The following ADARB1 variants were observed in gnomAD, a reference collection of about 807,000 sequenced individuals.
The protein encoded by ADARB1 is adenosine deaminase RNA specific B1.
A neutral mutation model predicts 52.4 loss-of-function variants in ADARB1; 10 were observed. The observed-to-expected ratio is 0.19, with a 90% confidence interval of 0.12 to 0.32. ADARB1 has a LOEUF of 0.32. Ranked by LOEUF, ADARB1 falls within the 10% of genes least tolerant of loss-of-function variation. The probability of loss-of-function intolerance (pLI) is 1.00; values close to 1 mark genes in which losing one functional copy is unlikely to be tolerated. For synonymous variants in ADARB1, 349 were observed against 371.1 expected (o/e 0.94, Z 0.68); for missense variants, 643 against 922.3 (o/e 0.70, Z 3.92).
intron 9 of ADARB1, among the ~76,000 whole-genome samples, chr21:45,218,646 C>T (rs966685448): frequency 6.6e-6 from 1 of 152,222 alleles, no homozygotes; most frequent in East Asian, 1.9e-4. Context: ...ATCTGCTACA[C>T]TCTGCCTGGG....
rs1021713266 is a variant in ADARB1 at position 45,200,295 on chromosome 21, C to T, written c.1566-4260C>T. On this transcript the variant is annotated intron_variant, in intron 8 of 10. Transcript: ENST00000348831. This position sits in a 1 kb window ranked among gnomAD's most constrained non-coding sequence, Gnocchi z 5.0. Reference sequence around the variant, plus strand: ...TCCATCCCACTGGCAGGCAGTTTGGCGGTGAATGCAGCCCCAGAGAGTTGT... The same window carrying T: ...TCCATCCCACTGGCAGGCAGTTTGGTGGTGAATGCAGCCCCAGAGAGTTGT... 6.6e-6 allele frequency among the ~76,000 whole-genome samples: 1 copy of T among 152,186 alleles called. No homozygotes were observed. Among genetic ancestry groups the T allele is most frequent in the Non-Finnish European group, 1.5e-5 (1 of 68,030 alleles).
chr21:45,194,053 G>A (rs535358085), intron 8 of ADARB1, among the ~76,000 whole-genome samples: 73 of 152,278 alleles, frequency 4.8e-4, no homozygotes, highest in African/African-American at 1.7e-3. Flanking sequence ...AAAGTAAAAG[G>A]CTAATACTAC....
rs2093050701 is a variant in ADARB1, at chr21:45,225,795, C to CT, written c.*3603dup. On this transcript the variant is annotated 3_prime_UTR_variant, in exon 11 of 11. Coordinates refer to ENST00000348831, the MANE Select transcript of ADARB1 (RefSeq NM_001112.4). ...AATTATAGACTTGCTCAAAAGATTC[C>CT]TTTTTATCATCCCCACGCTGTGTAA... 1 of 393,146 alleles carries CT rather than the reference C, an allele frequency of 2.5e-6. No individual in the cohort carries two copies. Among genetic ancestry groups the CT allele is most frequent in the African/African-American group, 2.1e-5 (1 of 48,470 alleles). The allele number at this position is 393,146 out of a possible 1,614,324, so 24.4% of individuals were successfully genotyped here.
intron 8 of ADARB1, among the ~76,000 whole-genome samples, chr21:45,201,675 G>C (rs1243971767): frequency 1.3e-5 from 2 of 152,174 alleles, no homozygotes; most frequent in African/African-American, 4.8e-5. Context: ...GTAAGTGCTG[G>C]GATAGGTCAG....
In ADARB1 at chr21:45,224,845, G is replaced by A. The variant is rs550606526; in HGVS notation, c.*2648G>A. The A allele has an allele frequency of 2.0e-5, 20 of 985,824 alleles. No homozygotes were observed. The highest frequency in any genetic ancestry group is 2.0e-5 in the Non-Finnish European group (17 of 829,934). 61.1% of individuals were successfully genotyped at this position (985,824 alleles called of 1,614,324 possible). ...CAAAATACAGAACGCTGACTCCTCC[G>A]TGAGACAGATCGGGGACCTTAGCAC... On this transcript the variant is annotated 3_prime_UTR_variant, in exon 11 of 11. Transcript: ENST00000348831.
rs747136687 is a variant in ADARB1, at chr21:45,204,696, C to T, written c.1707C>T (p.Asp569=). 2.4e-5 allele frequency: 38 copies of T among 1,613,714 alleles called. No homozygotes were observed. The highest frequency in any genetic ancestry group is 2.2e-4 in the Admixed American group (13 of 59,968). ...ACCAGCGGATCTCCAACATAGAGGA[C>T]CTGCCACCTCTCTACACCCTCAACA... The part of the protein sequence containing the change: ...AMYQRISNIE[D]LPPLYTLNKP... Residue 569 remains aspartate (D), a synonymous_variant, in exon 9 of 11, where the codon GAC becomes GAT. Coordinates refer to ENST00000348831, the MANE Select transcript of ADARB1 (RefSeq NM_001112.4). This position sits in a 1 kb window ranked among gnomAD's most constrained non-coding sequence, Gnocchi z 4.4.
At chr21:45,147,713 G>T (rs947728933) in intron 2 of ADARB1, among the ~76,000 whole-genome samples, 1 of 152,176 alleles carries the variant, frequency 6.6e-6, no homozygotes, top group African/African-American at 2.4e-5. Context: ...CGTGCCCCGC[G>T]TGTTGCTCAG....
rs2092996852 is a variant in ADARB1 at position 45,223,283 on chromosome 21, G to A, written c.*1086G>A. ...TGTTTGAAAAATAAAAAGCATCCAA[G>A]TGAGAGCTGGTGAGACCACGTGCTG... On this transcript the variant is annotated 3_prime_UTR_variant, in exon 11 of 11. Transcript: ENST00000348831. 2.0e-6 allele frequency: 2 copies of A among 985,350 alleles called. No individual in the cohort carries two copies. Among genetic ancestry groups the A allele is most frequent in the Non-Finnish European group, 1.2e-6 (1 of 829,954 alleles). 61.0% of individuals were successfully genotyped at this position (985,350 alleles called of 1,614,324 possible).
Position 45,222,136 on chromosome 21 carries a change from C to G in ADARB1, c.2045C>G (p.Ala682Gly). ...KARLFTAFIK[A>G]GLGAWVEKPT... ...CGTCTGTTCACAGCCTTCATCAAGG[C>G]GGGGCTGGGGGCCTGGGTGGAGAAG... is the stretch of plus-strand genomic sequence containing the variant. The change falls in exon 11 of 11, where the codon GCG becomes GGG. Residue 682 changes from alanine (A) to glycine (G), a missense_variant. This residue lies in a region of ADARB1 where 263 missense variants were observed against 475.8 expected (regional missense o/e 0.55). Coordinates refer to ENST00000348831, the MANE Select transcript of ADARB1 (RefSeq NM_001112.4). 6.2e-7 allele frequency: 1 copy of G among 1,610,524 alleles called. No homozygotes were observed. The highest frequency in any genetic ancestry group is 8.5e-7 in the Non-Finnish European group (1 of 1,178,710).
At chr21:45,082,011 A>G (rs760605810) in intron 1 of ADARB1, among the ~76,000 whole-genome samples, 6 of 152,166 alleles carry the variant, frequency 3.9e-5, no homozygotes, top group African/African-American at 1.4e-4. Context: ...ACTGGAGAAA[A>G]GAGAGCAGGT....
intron 2 of ADARB1, among the ~76,000 whole-genome samples, chr21:45,154,019 C>T (rs1434932993): frequency 6.6e-6 from 1 of 152,208 alleles, no homozygotes; most frequent in African/African-American, 2.4e-5. Flanking sequence ...CATGGACACT[C>T]ATCACTAATT....
chr21:45,110,459 G>C (rs1336518280), intron 1 of ADARB1, among the ~76,000 whole-genome samples: 1 of 152,182 alleles, frequency 6.6e-6, no homozygotes, highest in Non-Finnish European at 1.5e-5. Context: ...CCAGTGAGGC[G>C]GGGGTGTGGA....
intron 2 of ADARB1, among the ~76,000 whole-genome samples, chr21:45,147,008 T>C (rs8130216): frequency 0.015 from 2,218 of 152,334 alleles, 50 homozygotes; most frequent in African/African-American, 0.051. Context: ...CAGCAGCCAC[T>C]GTGCTTGGGC....
chr21:45,199,942 A>G (rs996958709), intron 8 of ADARB1, among the ~76,000 whole-genome samples: 6 of 152,176 alleles, frequency 3.9e-5, no homozygotes, highest in African/African-American at 1.4e-4. Context: ...GCCTTTTATT[A>G]TATAGTAATT....
intron 2 of ADARB1, among the ~76,000 whole-genome samples, chr21:45,160,173 C>T (rs1034439381): frequency 6.6e-6 from 1 of 152,200 alleles, no homozygotes; most frequent in African/African-American, 2.4e-5. Context: ...CTCCAGGTCC[C>T]TTAGATGGAA....
chr21:45,222,004 T>G lies in ADARB1; in HGVS notation c.1927-14T>G, dbSNP rs957626678. On this transcript the variant is annotated splice_polypyrimidine_tract_variant and intron_variant, in intron 10 of 10. Coordinates refer to ENST00000348831, the MANE Select transcript of ADARB1 (RefSeq NM_001112.4). ...AGCGTCAACAGTTGCATTTGTTTTTTTATCCCTTCACAGGTTCCCTCCCAC... is the reference window on the plus strand; with the variant it reads ...AGCGTCAACAGTTGCATTTGTTTTTGTATCCCTTCACAGGTTCCCTCCCAC... 1 of 1,612,496 alleles carries G rather than the reference T, an allele frequency of 6.2e-7. No individual in the cohort carries two copies. Among genetic ancestry groups the G allele is most frequent in the African/African-American group, 1.3e-5 (1 of 75,020 alleles).
Position 45,221,969 on chromosome 21 carries a change from C to A in ADARB1, c.1927-49C>A. 1 of 1,581,124 alleles carries A rather than the reference C, an allele frequency of 6.3e-7. No individual in the cohort carries two copies. The highest frequency in any genetic ancestry group is 8.7e-7 in the Non-Finnish European group (1 of 1,154,368). ...TTGGTATCTTATTAGGTGTTGTTTT[C>A]ATCTGTTACAGCGTCAACAGTTGCA... On this transcript the variant is annotated intron_variant, in intron 10 of 10. Transcript: ENST00000348831. The surrounding 1 kb of genome is among the most constrained non-coding windows in gnomAD (Gnocchi z 4.9).
At chr21:45,089,063 C>A (rs904465270) in intron 1 of ADARB1, among the ~76,000 whole-genome samples, 1 of 152,184 alleles carries the variant, frequency 6.6e-6, no homozygotes, top group African/African-American at 2.4e-5. Context: ...AATCCTGGAA[C>A]AGAAGCCGGT....
intron 2 of ADARB1, among the ~76,000 whole-genome samples, chr21:45,134,413 G>A (rs1175715667): frequency 6.6e-6 from 1 of 151,666 alleles, no homozygotes; most frequent in African/African-American, 2.4e-5. Flanking sequence ...CCCGACAGTG[G>A]TGTGTGCGCC....
Sources: allele counts gnomAD v4.1 joint callset (sites outside exome capture counted in the v4.1 genomes callset), GRCh38; gene constraint gnomAD v4.1.1; regional missense constraint gnomAD v4.1.1; non-coding constraint Gnocchi (gnomAD v3.1); transcripts MANE v1.5; gene names NCBI Gene and HGNC (gene_info 2026-07-23, HGNC 2026-07-21).